ATPAF2: variants seen among roughly 807,000 people sequenced by gnomAD.
The protein encoded by ATPAF2 is ATP synthase mitochondrial F1 complex assembly factor 2.
In ATPAF2, 30 loss-of-function variants were observed where a neutral mutation model predicts 36.6. The ratio of observed to expected loss-of-function variants is 0.82; its 90% CI spans 0.61 to 1.11. The LOEUF (loss-of-function observed/expected upper bound fraction) is 1.11, where lower values mean the gene tolerates loss of function less well. Among genes scored for constraint, ATPAF2 ranks in the 50% most tolerant of loss-of-function variants. The pLI is 0.00. For missense variants in ATPAF2, 321 were observed against 372.3 expected, an observed-to-expected ratio of 0.86 and a Z score of 1.13; for synonymous variants, 140 against 152.6, an observed-to-expected ratio of 0.92 and a Z score of 0.61.
chr17:18,016,697 T>G, downstream of ATPAF2: 5 of 1,481,586 alleles, frequency 3.4e-6, no homozygotes, highest in Non-Finnish European at 2.8e-6. Context: ...AGGAGCTTCT[T>G]CAAAACATAG....
At chr17:18,031,318 T>C (rs2145512812) in intron 1 of ATPAF2, among the ~76,000 whole-genome samples, 1 of 152,206 alleles carries the variant, frequency 6.6e-6, no homozygotes, top group East Asian at 1.9e-4. Context: ...CAGTTTTCTA[T>C]AAATCTCATT....
rs144887257 is a variant in ATPAF2 at position 18,025,118 on chromosome 17, G to A, written c.423-414C>T. Reference sequence around the variant, plus strand: ...TAACTGCAACCCTGGGTCCACACCCGCTTGACCCAGATGCTGAATGGGAAT... The same window carrying A: ...TAACTGCAACCCTGGGTCCACACCCACTTGACCCAGATGCTGAATGGGAAT... On this transcript the variant is annotated intron_variant, in intron 4 of 7. Transcript: ENST00000474627. 1,356 of 321,824 alleles carry A rather than the reference G, an allele frequency of 4.2e-3. 21 individuals carry two copies. Among genetic ancestry groups the A allele is most frequent in the African/African-American group, 0.024 (1,125 of 46,234 alleles). The allele number at this position is 321,824 out of a possible 1,614,324, so 19.9% of individuals were successfully genotyped here.
At chr17:18,019,158 C>CAT (rs1453141169) in intron 7 of ATPAF2, among the ~76,000 whole-genome samples, 237 of 150,574 alleles carry the variant, frequency 1.6e-3, no homozygotes, top group African/African-American at 5.5e-3. Flanking sequence ...CACACACACA[C>CAT]ACACACACAC....
intron 3 of ATPAF2, among the ~76,000 whole-genome samples, chr17:18,027,072 T>G (rs1220183957): frequency 6.6e-6 from 1 of 151,974 alleles, no homozygotes; most frequent in African/African-American, 2.4e-5. Flanking sequence ...AATACAAAAA[T>G]TAGCCTGGCA....
chr17:18,023,415 G>C (rs1362415432), intron 5 of ATPAF2, among the ~76,000 whole-genome samples: 1 of 152,144 alleles, frequency 6.6e-6, no homozygotes, highest in East Asian at 1.9e-4. Context: ...GCGACAGAGC[G>C]AGACTCCATC....
chr17:18,033,940 C>T (rs1000922876), intron 1 of ATPAF2, among the ~76,000 whole-genome samples: 7 of 151,816 alleles, frequency 4.6e-5, no homozygotes, highest in African/African-American at 1.7e-4. Flanking sequence ...AGCAACATGG[C>T]AACACCCTGT....
chr17:18,018,402 A>G lies in ATPAF2; in HGVS notation c.*147T>C, dbSNP rs1277323666. ...GACCTCCGGACAGCCGTACTAGCGC[A>G]CTGTGTCTCGGGGGGAATCTCAGGG... On this transcript the variant is annotated 3_prime_UTR_variant, in exon 8 of 8. Coordinates refer to ENST00000474627, the MANE Select transcript of ATPAF2 (RefSeq NM_145691.4). The G allele has an allele frequency of 4.3e-6, 5 of 1,174,036 alleles. No homozygotes were observed. The highest frequency in any genetic ancestry group is 3.0e-5 in the African/African-American group (2 of 65,842). 72.7% of individuals were successfully genotyped at this position (1,174,036 alleles called of 1,614,324 possible). A position where few individuals can be genotyped will look rare whatever the true frequency, so the allele number is the denominator to read the frequency against.
Position 18,018,811 on chromosome 17 carries a change from G to A in ATPAF2, c.733-125C>T, listed in dbSNP as rs113703203. The A allele has an allele frequency of 6.5e-4, 903 of 1,398,454 alleles. 3 individuals carry two copies. The African/African-American group carries it at 0.011, about 17-fold the overall frequency. 86.6% of individuals were successfully genotyped at this position (1,398,454 alleles called of 1,614,324 possible). The stretch of plus-strand genomic sequence containing the variant: ...AGGTTTGTATCTTGCCAAAACACAT[G>A]AGACATGCCTAGGGGGAGGTGGCAG... On this transcript the variant is annotated intron_variant, in intron 7 of 7. Transcript: ENST00000474627.
chr17:18,036,249 T>C (rs1211533588), intron 1 of ATPAF2, among the ~76,000 whole-genome samples: 1 of 151,766 alleles, frequency 6.6e-6, no homozygotes, highest in Non-Finnish European at 1.5e-5. Flanking sequence ...CGCACAAATA[T>C]CTCACAACTG....
At position 18,022,883 on chromosome 17, in the gene ATPAF2, T is replaced by C. The variant is rs1244533231; in HGVS notation, c.504-1026A>G. On this transcript the variant is annotated intron_variant, in intron 5 of 7. Coordinates refer to ENST00000474627, the MANE Select transcript of ATPAF2 (RefSeq NM_145691.4). ...GCTCATGCCTGTAATCCCAGCACTTTGGGAGGCCGAGGCGGGCGGATCACG... is the reference window on the plus strand; with the variant it reads ...GCTCATGCCTGTAATCCCAGCACTTCGGGAGGCCGAGGCGGGCGGATCACG... 6.6e-5 allele frequency among the ~76,000 whole-genome samples: 10 copies of C among 151,886 alleles called. No individual in the cohort carries two copies. The East Asian group carries it at 1.9e-3, about 30-fold the overall frequency.
intron 5 of ATPAF2, among the ~76,000 whole-genome samples, chr17:18,022,901 G>A (rs1435853226): frequency 6.6e-6 from 1 of 151,858 alleles, no homozygotes; most frequent in African/African-American, 2.4e-5. Flanking sequence ...CGAGGCGGGC[G>A]GATCACGAGG....
chr17:18,023,407 G>A (rs1006059606), intron 5 of ATPAF2, among the ~76,000 whole-genome samples: 8 of 152,142 alleles, frequency 5.3e-5, no homozygotes, highest in African/African-American at 1.7e-4. Context: ...CAGCCTGGGC[G>A]ACAGAGCGAG....
downstream of ATPAF2, chr17:18,016,689 G>A (rs1201683701): frequency 6.5e-7 from 1 of 1,547,022 alleles, no homozygotes; most frequent in Admixed American, 1.7e-5. Context: ...TCAGCCACAG[G>A]AGCTTCTTCA....
chr17:18,034,350 A>T (rs1296505910), intron 1 of ATPAF2, among the ~76,000 whole-genome samples: 1 of 152,188 alleles, frequency 6.6e-6, no homozygotes, highest in Admixed American at 6.5e-5. Context: ...GGCTGCAGTA[A>T]GCTGTAACTG....
rs777940883 is a variant in ATPAF2, at chr17:18,021,765, T to A, written c.596A>T (p.Tyr199Phe). The change falls in exon 6 of 8, where the codon TAC becomes TTC. Residue 199 changes from tyrosine to phenylalanine, a missense_variant. Tyr to Phe is a conservative substitution (Grantham distance 22). Transcript: ENST00000474627. ...CATGCCTTGTAAAGCCCATGTGTTG[T>A]AAGATGCCAGGTGGCTGACGAGCAC... ...REVLVSHLAS[Y>F]NTWALQGIEF... 1 of 1,614,122 alleles carries A rather than the reference T, an allele frequency of 6.2e-7. No homozygotes were observed. Among genetic ancestry groups the A allele is most frequent in the South Asian group, 1.1e-5 (1 of 91,074 alleles).
intron 3 of ATPAF2, chr17:18,027,858 C>A: frequency 3.3e-6 from 1 of 299,620 alleles, no homozygotes; most frequent in Non-Finnish European, 6.6e-6. Context: ...TGTTGCTTAC[C>A]AGGCAGTGGA....
Position 18,018,617 on chromosome 17 carries a change from C to T in ATPAF2, c.802G>A (p.Ala268Thr), listed in dbSNP as rs368477064. Reference protein sequence around the residue: ...ELQELRARTAAGTLFIHLCSE... With the variant: ...ELQELRARTATGTLFIHLCSE... ...CAGAGATGGATGAAGAGGGTGCCGGCGGCGGTGCGGGCCCGCAGCTCCTGC... is the reference window on the plus strand; with the variant it reads ...CAGAGATGGATGAAGAGGGTGCCGGTGGCGGTGCGGGCCCGCAGCTCCTGC... The change falls in exon 8 of 8, where the codon GCC becomes ACC. Residue 268 changes from alanine (A) to threonine (T), a missense_variant. Transcript: ENST00000474627. 5.3e-5 allele frequency: 86 copies of T among 1,613,858 alleles called. No homozygotes were observed. Among genetic ancestry groups the T allele is most frequent in the East Asian group, 3.6e-4 (16 of 44,886 alleles).
At chr17:18,016,602 G>C (rs778829224), downstream of ATPAF2, 1 of 1,613,940 alleles carries the variant, frequency 6.2e-7, no homozygotes, top group East Asian at 2.2e-5. Flanking sequence ...GCGTGAAGGA[G>C]ATCAATCAGT....
chr17:18,028,063 C>A, intron 3 of ATPAF2, 169 bp downstream of exon 3: 1 of 790,512 alleles, frequency 1.3e-6, no homozygotes, highest in Non-Finnish European at 2.2e-6. Context: ...GTAGCCGGGC[C>A]AGACAAGGAA....
Sources: allele counts gnomAD v4.1 joint callset (sites outside exome capture counted in the v4.1 genomes callset), GRCh38; gene constraint gnomAD v4.1.1; transcripts MANE v1.5; gene names NCBI Gene and HGNC (gene_info 2026-07-23, HGNC 2026-07-21).